Variants in FNTA observed in about 807,000 individuals in gnomAD.
FNTA encodes the protein protein farnesyltransferase/geranylgeranyltransferase type-1 subunit alpha.
Under a neutral mutation model 55.2 loss-of-function variants are expected in FNTA, and 27 were observed. The ratio of observed to expected loss-of-function variants is 0.49; its 90% CI spans 0.36 to 0.67. The LOEUF (loss-of-function observed/expected upper bound fraction) is 0.67, where lower values mean the gene tolerates loss of function less well. FNTA is among the 30% of genes least tolerant of loss of function. The pLI is 0.00. For missense variants in FNTA, 422 were observed against 464.7 expected (o/e 0.91, Z 0.85); for synonymous variants, 176 against 170.7 (o/e 1.03, Z -0.24).
At chr8:43,071,954 A>G (rs962864985) in intron 4 of FNTA, among the ~76,000 whole-genome samples, 1 of 152,152 alleles carries the variant, frequency 6.6e-6, no homozygotes, top group Non-Finnish European at 1.5e-5. Context: ...TTTTGACACA[A>G]TTTCATGGTT....
At chr8:43,068,485 GGTT>G (rs1409541767) in intron 3 of FNTA, among the ~76,000 whole-genome samples, 2 of 152,190 alleles carry the variant, frequency 1.3e-5, no homozygotes, top group East Asian at 3.9e-4. Context: ...GCATTTTTGT[GGTT>G]GTTCTAGAAG....
chr8:43,067,891 G>T (rs1346302353), intron 3 of FNTA, among the ~76,000 whole-genome samples: 1 of 151,552 alleles, frequency 6.6e-6, no homozygotes, highest in Non-Finnish European at 1.5e-5. Flanking sequence ...AGCTAGTTTT[G>T]TATTTTTGTT....
chr8:43,075,320 A>G (rs192717031), intron 5 of FNTA, among the ~76,000 whole-genome samples: 57 of 151,338 alleles, frequency 3.8e-4, no homozygotes, highest in African/African-American at 1.2e-3. Context: ...GTTTATTTTT[A>G]TGATCACCTG....
intron 5 of FNTA, among the ~76,000 whole-genome samples, chr8:43,075,351 G>C (rs1326494454): frequency 1.6e-5 from 1 of 63,360 alleles, no homozygotes; most frequent in African/African-American, 3.2e-5. Context: ...GACTATCATA[G>C]GAGATTCTTA....
At chr8:43,061,010 T>A (rs1810518297) in intron 2 of FNTA, among the ~76,000 whole-genome samples, 1 of 152,196 alleles carries the variant, frequency 6.6e-6, no homozygotes. Flanking sequence ...TCCTTTATCA[T>A]TAAGAATGAC....
Position 43,069,666 on chromosome 8 carries a change from T to TTGGAG in FNTA, c.506+9_506+13dup, listed in dbSNP as rs1810742341. 5 of 1,581,758 alleles carry TTGGAG rather than the reference T, an allele frequency of 3.2e-6. No homozygotes were observed. Among genetic ancestry groups the TTGGAG allele is most frequent in the Non-Finnish European group, 3.5e-6 (4 of 1,152,040 alleles). On this transcript the variant is annotated splice_region_variant and intron_variant, in intron 4 of 8. Coordinates refer to ENST00000302279, the MANE Select transcript of FNTA (RefSeq NM_002027.3). ...CCAAAAACTATCAAGTTTGGTAAGT[T>TTGGAG]TGGAGTCTAGCTGTGTCTCCCAGGC...
intron 2 of FNTA, among the ~76,000 whole-genome samples, chr8:43,059,843 A>C (rs1810491452): frequency 6.6e-6 from 1 of 152,262 alleles, no homozygotes; most frequent in South Asian, 2.1e-4. Context: ...AAATGTTTAA[A>C]AAAGCATAAT....
At chr8:43,065,032 C>T (rs775466933) in intron 3 of FNTA, among the ~76,000 whole-genome samples, 2 of 151,478 alleles carry the variant, frequency 1.3e-5, no homozygotes, top group African/African-American at 2.4e-5. Context: ...GATAGGGTTT[C>T]ACCATGTTGG....
intron 4 of FNTA, chr8:43,070,353 A>G (rs548219145): frequency 2.0e-5 from 3 of 152,240 alleles, no homozygotes; most frequent in South Asian, 4.1e-4. Context: ...TAAAAACTTT[A>G]CCATTGTAGC....
Position 43,056,637 on chromosome 8 carries a change from C to G in FNTA, c.200+91C>G, listed in dbSNP as rs1388556155. 27 of 900,494 alleles carry G rather than the reference C, an allele frequency of 3.0e-5. No individual in the cohort carries two copies. The Middle Eastern group carries it at 1.4e-3, about 48-fold the overall frequency. The allele number at this position is 900,494 out of a possible 1,614,324, so 55.8% of individuals were successfully genotyped here. A position where few individuals can be genotyped will look rare whatever the true frequency, so the allele number is the denominator to read the frequency against. The stretch of plus-strand genomic sequence containing the variant: ...GGCGCGCGCTTCCGGCCCCGGCGCG[C>G]CAGGCCGAAGTTCCCGTGGCGCCGC... On this transcript the variant is annotated intron_variant, in intron 1 of 8. Coordinates refer to ENST00000302279, the MANE Select transcript of FNTA (RefSeq NM_002027.3).
chr8:43,059,029 C>T (rs777970103), intron 1 of FNTA, 63 bp from the exon 2 acceptor site: 1 of 1,184,280 alleles, frequency 8.4e-7, no homozygotes, highest in South Asian at 1.3e-5. Flanking sequence ...ATTTTAAAAA[C>T]ACTAGAGTCC....
Position 43,056,343 on chromosome 8 carries a change from C to A in FNTA, c.-4C>A. On this transcript the variant is annotated 5_prime_UTR_variant, in exon 1 of 9. Transcript: ENST00000302279. ...CCACCACCTCAGCTGCGGACCGAGG[C>A]GAGATGGCGGCCACCGAGGGGGTCG... is the stretch of plus-strand genomic sequence containing the variant. 7.1e-7 allele frequency: 1 copy of A among 1,412,164 alleles called. No individual in the cohort carries two copies. The highest frequency in any genetic ancestry group is 9.2e-7 in the Non-Finnish European group (1 of 1,091,460). 87.5% of individuals were successfully genotyped at this position (1,412,164 alleles called of 1,614,324 possible).
At chr8:43,056,705 G>A in intron 1 of FNTA, 159 bp downstream of exon 1, 1 of 299,818 alleles carries the variant, frequency 3.3e-6, no homozygotes. Context: ...CTGCCGGGAC[G>A]TCGCCGCTTC....
In FNTA at chr8:43,085,406, T is replaced by G; in HGVS notation, c.*124T>G. The stretch of plus-strand genomic sequence containing the variant: ...AAAGTGCATCACACAGGTATTGCTT[T>G]TTAACAAGAACTGATGCTCCTTGGG... On this transcript the variant is annotated 3_prime_UTR_variant, in exon 9 of 9. Coordinates refer to ENST00000302279, the MANE Select transcript of FNTA (RefSeq NM_002027.3). 1 of 858,384 alleles carries G rather than the reference T, an allele frequency of 1.2e-6. No homozygotes were observed. Among genetic ancestry groups the G allele is most frequent in the Admixed American group, 2.7e-5 (1 of 36,388 alleles). The allele number at this position is 858,384 out of a possible 1,614,324, so 53.2% of individuals were successfully genotyped here.
At chr8:43,060,400 C>T (rs553921820) in intron 2 of FNTA, among the ~76,000 whole-genome samples, 92 of 152,220 alleles carry the variant, frequency 6.0e-4, no homozygotes, top group Non-Finnish European at 1.2e-3. Flanking sequence ...TTGGGCCAGG[C>T]GCGGTGGCTC....
At position 43,077,199 on chromosome 8, in the gene FNTA, C is replaced by G; in HGVS notation, c.634-17C>G. 6.6e-7 allele frequency: 1 copy of G among 1,518,364 alleles called. No individual in the cohort carries two copies. The allele number at this position is 1,518,364 out of a possible 1,614,324, so 94.1% of individuals were successfully genotyped here. On this transcript the variant is annotated splice_polypyrimidine_tract_variant and intron_variant, in intron 5 of 8. Transcript: ENST00000302279. The stretch of plus-strand genomic sequence containing the variant: ...GGACATTTCTAATTGGATGATTTTT[C>G]TAAATTTTTCCTTTAGGAATTTAAA...
At chr8:43,059,580 C>A (rs6983186) in intron 2 of FNTA, among the ~76,000 whole-genome samples, 142 of 152,204 alleles carry the variant, frequency 9.3e-4, no homozygotes, top group African/African-American at 3.2e-3. Context: ...AAGTGTTCAG[C>A]TCAGTTGGAA....
chr8:43,068,547 A>G (rs769535370), intron 3 of FNTA, among the ~76,000 whole-genome samples: 10 of 152,232 alleles, frequency 6.6e-5, no homozygotes, highest in Admixed American at 2.6e-4. Context: ...TGGATAATGT[A>G]TGTACACGAA....
intron 7 of FNTA, among the ~76,000 whole-genome samples, chr8:43,083,720 A>T (rs1304049860): frequency 6.6e-6 from 1 of 152,170 alleles, no homozygotes; most frequent in Non-Finnish European, 1.5e-5. Flanking sequence ...ACCCTTGGAG[A>T]TGTGTCAGGG....
Sources: gnomAD v4.1 joint callset for allele counts (sites outside exome capture counted in the v4.1 genomes callset) on GRCh38, gnomAD v4.1.1 for gene constraint, MANE v1.5 for transcripts, NCBI Gene and HGNC (gene_info 2026-07-23, HGNC 2026-07-21) for gene names.